SGCZ: variants seen among roughly 807,000 people sequenced by gnomAD.
SGCZ encodes zeta-sarcoglycan.
Under a neutral mutation model 41.3 loss-of-function variants are expected in SGCZ, and 40 were observed. The ratio of observed to expected loss-of-function variants is 0.97; its 90% CI spans 0.75 to 1.26. The LOEUF (loss-of-function observed/expected upper bound fraction) is 1.26. SGCZ is among the 50% of genes most tolerant of loss of function. The pLI, the probability that SGCZ is intolerant of heterozygous loss-of-function variation, is 0.00. For synonymous variants in SGCZ, 206 were observed against 137.5 expected (o/e 1.50, Z -3.49); for missense variants, 552 against 369.8 (o/e 1.49, Z -4.04).
chr8:14,971,008 A>G (rs1023259113), intron 1 of SGCZ, among the ~76,000 whole-genome samples: 12 of 152,152 alleles, frequency 7.9e-5, no homozygotes, highest in African/African-American at 2.7e-4. Context: ...CATCTTCTGT[A>G]AGTTTTGTCT....
At chr8:14,390,534 C>A (rs1804734059) in intron 2 of SGCZ, among the ~76,000 whole-genome samples, 1 of 151,314 alleles carries the variant, frequency 6.6e-6, no homozygotes, top group African/African-American at 2.4e-5. Flanking sequence ...CATGAAAGTT[C>A]AAATAAAAGA....
At chr8:14,492,834 A>G (rs1801879821) in intron 2 of SGCZ, among the ~76,000 whole-genome samples, 1 of 152,142 alleles carries the variant, frequency 6.6e-6, no homozygotes, top group African/African-American at 2.4e-5. Flanking sequence ...AATGATATCA[A>G]CCTCTACCTA....
At chr8:14,306,548 T>C (rs1481094355) in intron 3 of SGCZ, among the ~76,000 whole-genome samples, 1 of 152,318 alleles carries the variant, frequency 6.6e-6, no homozygotes, top group East Asian at 1.9e-4. Context: ...ACTTCCCTGG[T>C]TTAATTTTTG....
chr8:14,413,335 C>G (rs934877276), intron 2 of SGCZ, among the ~76,000 whole-genome samples: 1 of 144,496 alleles, frequency 6.9e-6, no homozygotes, highest in African/African-American at 2.7e-5. Flanking sequence ...TTTCATACCT[C>G]AATGATATCC....
chr8:14,666,616 G>A (rs1365993740), intron 1 of SGCZ, among the ~76,000 whole-genome samples: 1 of 150,566 alleles, frequency 6.6e-6, no homozygotes, highest in Non-Finnish European at 1.5e-5. Context: ...GAACTGAGAA[G>A]GAGAGCACAA....
At chr8:14,691,562 G>A (rs762146293) in intron 1 of SGCZ, among the ~76,000 whole-genome samples, 7 of 151,794 alleles carry the variant, frequency 4.6e-5, no homozygotes, top group African/African-American at 7.3e-5. Context: ...AGGCACATAG[G>A]CCTCTTGGAA....
In SGCZ at chr8:14,489,866, C is replaced by CATTTTTT. The variant is rs142314868; in HGVS notation, c.234+64865_234+64866insAAAAAAT. On this transcript the variant is annotated intron_variant, in intron 2 of 7. Transcript: ENST00000382080. ...ACTGGCTCGCCGAAAAATTCTCCTA[C>CATTTTTT]CTTTTTTTTTTTTTTCCTGAGATGG... 7.3e-4 allele frequency among the ~76,000 whole-genome samples: 101 copies of CATTTTTT among 137,526 alleles called. 12 individuals are homozygous for CATTTTTT. The highest frequency in any genetic ancestry group is 1.1e-3 in the South Asian group (5 of 4,442). The allele number at this position is 137,526 out of a possible 152,430, so 90.2% of individuals were successfully genotyped here.
chr8:14,682,164 C>T (rs1204317284), intron 1 of SGCZ, among the ~76,000 whole-genome samples: 1 of 151,754 alleles, frequency 6.6e-6, no homozygotes, highest in Non-Finnish European at 1.5e-5. Context: ...AGAGAATAGC[C>T]GATCAATTTG....
At chr8:14,140,571 C>T (rs7006146) in intron 5 of SGCZ, among the ~76,000 whole-genome samples, 150,001 of 152,250 alleles carry the variant, frequency 0.99, 73,926 homozygotes, top group East Asian at 1. Context: ...TCATTCACAA[C>T]TGCTTCAAAG....
chr8:14,311,444 G>C lies in SGCZ; in HGVS notation c.336+12659C>G, dbSNP rs115786545. Among the ~76,000 whole-genome samples, 941 of 152,200 alleles carry C rather than the reference G, an allele frequency of 6.2e-3. 13 individuals carry two copies. The highest frequency in any genetic ancestry group is 0.021 in the African/African-American group (887 of 41,538). The stretch of plus-strand genomic sequence containing the variant: ...ACAGGAGGATATGGGTGCTGAGTCA[G>C]TTACATTTACACAGATAGGAACACA... On this transcript the variant is annotated intron_variant, in intron 3 of 7. Transcript: ENST00000382080.
At chr8:14,853,617 G>C (rs957179101) in intron 1 of SGCZ, 1 of 378,918 alleles carries the variant, frequency 2.6e-6, no homozygotes, top group Non-Finnish European at 5.7e-6. Context: ...GGTTTGCTTT[G>C]TCCTTTAAAG....
At chr8:14,748,470 A>C (rs1199627640) in intron 1 of SGCZ, among the ~76,000 whole-genome samples, 1 of 152,192 alleles carries the variant, frequency 6.6e-6, no homozygotes, top group African/African-American at 2.4e-5. Flanking sequence ...ATTTTGCCCC[A>C]GGTATTCCCC....
chr8:14,348,204 A>G (rs547380225), intron 2 of SGCZ, among the ~76,000 whole-genome samples: 1 of 152,168 alleles, frequency 6.6e-6, no homozygotes, highest in African/African-American at 2.4e-5. Context: ...GCAGACCTTT[A>G]TCCTGCACCA....
At chr8:14,188,826 T>G (rs1420079324) in intron 4 of SGCZ, among the ~76,000 whole-genome samples, 2 of 53,552 alleles carry the variant, frequency 3.7e-5, no homozygotes, top group African/African-American at 3.7e-4. Context: ...GTTTCTTTGT[T>G]TTTTTTTGTT....
rs1801577907 is a variant in SGCZ, at chr8:14,088,097, TATGAC to T, written c.*2341_*2345del. On this transcript the variant is annotated 3_prime_UTR_variant, in exon 8 of 8. Coordinates refer to ENST00000382080, the MANE Select transcript of SGCZ (RefSeq NM_139167.4). ...CTTTTTTTTTCATCTTTTCTCCTCT[TATGAC>T]ATATAATTTAAAATTTCATTTTTCT... Among the ~76,000 whole-genome samples, 1 of 151,804 alleles carries T rather than the reference TATGAC, an allele frequency of 6.6e-6. No homozygotes were observed. The highest frequency in any genetic ancestry group is 2.4e-5 in the African/African-American group (1 of 41,416).
chr8:14,267,726 T>C (rs958707981), intron 3 of SGCZ, among the ~76,000 whole-genome samples: 1 of 152,064 alleles, frequency 6.6e-6, no homozygotes, highest in Non-Finnish European at 1.5e-5. Context: ...GGTCCACTCA[T>C]CTGTATGTAG....
At chr8:14,369,505 C>A (rs910468284) in intron 2 of SGCZ, among the ~76,000 whole-genome samples, 8 of 151,868 alleles carry the variant, frequency 5.3e-5, no homozygotes, top group African/African-American at 1.5e-4. Flanking sequence ...ATGAGGTTAA[C>A]TTTTTCATTC....
intron 3 of SGCZ, chr8:14,309,005 C>G: frequency 9.7e-7 from 1 of 1,033,894 alleles, no homozygotes; most frequent in South Asian, 1.6e-5. Flanking sequence ...CACCCGGCCT[C>G]AGCCTCACTT....
At chr8:14,645,166 T>C (rs966879722) in intron 1 of SGCZ, among the ~76,000 whole-genome samples, 1 of 151,650 alleles carries the variant, frequency 6.6e-6, no homozygotes, top group Non-Finnish European at 1.5e-5. Flanking sequence ...ACTTAAACTA[T>C]AAAATGAGGA....
Sources: allele counts gnomAD v4.1 joint callset (sites outside exome capture counted in the v4.1 genomes callset), GRCh38; gene constraint gnomAD v4.1.1; transcripts MANE v1.5; gene names NCBI Gene and HGNC (gene_info 2026-07-23, HGNC 2026-07-21).